Variants in APPL2 observed in about 807,000 individuals in gnomAD.
APPL2 encodes the protein DCC-interacting protein 13-beta.
APPL2 carries 84 observed loss-of-function variants against 92.7 expected under a neutral mutation model. That is an observed-to-expected ratio of 0.91 (90% CI 0.76 to 1.09). APPL2 has a LOEUF of 1.09. APPL2 is among the 50% of genes least tolerant of loss of function. The pLI, the probability that APPL2 is intolerant of heterozygous loss-of-function variation, is 0.00. For synonymous variants in APPL2, 291 were observed against 291.0 expected (o/e 1.00, Z 0.00); for missense variants, 736 against 824.5 (o/e 0.89, Z 1.31).
intron 2 of APPL2, among the ~76,000 whole-genome samples, chr12:105,227,927 T>C (rs1378685014): frequency 1.3e-5 from 2 of 152,206 alleles, no homozygotes. Flanking sequence ...ATCTCAACTC[T>C]TACAATCACC....
intron 1 of APPL2, 66 bp from the exon 2 acceptor site, chr12:105,229,289 G>C: frequency 1.6e-5 from 22 of 1,396,948 alleles, no homozygotes; most frequent in Non-Finnish European, 2.0e-5. Context: ...GGAGGAGGAA[G>C]ATCCACACAC....
At chr12:105,208,866 C>T (rs1240617061) in intron 5 of APPL2, among the ~76,000 whole-genome samples, 1 of 152,166 alleles carries the variant, frequency 6.6e-6, no homozygotes, top group Non-Finnish European at 1.5e-5. Flanking sequence ...ACGATTGATA[C>T]CTAAAAGAAA....
intron 5 of APPL2, among the ~76,000 whole-genome samples, chr12:105,209,703 G>C (rs980306558): frequency 6.6e-6 from 1 of 152,328 alleles, no homozygotes; most frequent in South Asian, 2.1e-4. Flanking sequence ...ACAATCATCA[G>C]CAGATGACTG....
At chr12:105,228,417 G>A (rs570905445) in intron 2 of APPL2, among the ~76,000 whole-genome samples, 10 of 152,154 alleles carry the variant, frequency 6.6e-5, no homozygotes, top group Non-Finnish European at 1.2e-4. Context: ...TTCCTTAAGA[G>A]ATTATTAATG....
chr12:105,188,206 G>A lies in APPL2; in HGVS notation c.1634+67C>T, dbSNP rs79951915. On this transcript the variant is annotated intron_variant, in intron 17 of 20. Transcript: ENST00000258530. ...ATTCCAGTACTAACATTTCAGATGGGTGCATTAGCCTTAAAAGGGGAATTA... is the reference window on the plus strand; with the variant it reads ...ATTCCAGTACTAACATTTCAGATGGATGCATTAGCCTTAAAAGGGGAATTA... The A allele has an allele frequency of 5.9e-6, 9 of 1,537,600 alleles. No homozygotes were observed. In the Admixed American group the frequency reaches 6.8e-5, roughly 12 times the overall value.
intron 17 of APPL2, among the ~76,000 whole-genome samples, chr12:105,185,747 A>G (rs1886546785): frequency 6.6e-6 from 1 of 151,778 alleles, no homozygotes; most frequent in Non-Finnish European, 1.5e-5. Flanking sequence ...TTTCTGTGTG[A>G]CCTCTAAATG....
chr12:105,197,832 A>T lies in APPL2; in HGVS notation c.985T>A (p.Ser329Thr). Reference protein sequence around the residue: ...GGLIQDLDNCSVMAVDCEDRR... With the variant: ...GGLIQDLDNCTVMAVDCEDRR... ...TCTTCGCAATCCACGGCCATCACTG[A>T]GCAGTTGTCCAGGTCCTGGATCAAA... is the stretch of plus-strand genomic sequence containing the variant. Residue 329 changes from serine (S) to threonine (T), a missense_variant, in exon 11 of 21, where the codon TCA becomes ACA. Physicochemically the swap from Ser to Thr is moderately conservative, Grantham distance 58. Coordinates refer to ENST00000258530, the MANE Select transcript of APPL2 (RefSeq NM_018171.5). 1 of 1,614,174 alleles carries T rather than the reference A, an allele frequency of 6.2e-7. No homozygotes were observed. Among genetic ancestry groups the T allele is most frequent in the Non-Finnish European group, 8.5e-7 (1 of 1,180,040 alleles).
chr12:105,216,108 T>C (rs1889668011), intron 4 of APPL2, among the ~76,000 whole-genome samples: 1 of 152,220 alleles, frequency 6.6e-6, no homozygotes, highest in African/African-American at 2.4e-5. Flanking sequence ...ATCTGAGCTC[T>C]TATGTTTTTT....
At chr12:105,179,726 C>G (rs1011070235) in intron 17 of APPL2, among the ~76,000 whole-genome samples, 1 of 152,160 alleles carries the variant, frequency 6.6e-6, no homozygotes, top group African/African-American at 2.4e-5. Flanking sequence ...ATTTCTCTAA[C>G]GACCAGTGAT....
At chr12:105,182,231 G>A (rs1566050892) in intron 17 of APPL2, among the ~76,000 whole-genome samples, 2 of 152,198 alleles carry the variant, frequency 1.3e-5, no homozygotes, top group South Asian at 4.1e-4. Flanking sequence ...GTTTCATCAT[G>A]TTGGCCAGGC....
At chr12:105,187,963 A>G (rs565809422) in intron 17 of APPL2, among the ~76,000 whole-genome samples, 50 of 151,974 alleles carry the variant, frequency 3.3e-4, no homozygotes, top group Non-Finnish European at 5.9e-4. Context: ...TAGTACTCTC[A>G]GAAATGAAAA....
chr12:105,235,579 G>A (rs1455929495), intron 1 of APPL2, among the ~76,000 whole-genome samples: 2 of 152,190 alleles, frequency 1.3e-5, no homozygotes, highest in Non-Finnish European at 2.9e-5. Flanking sequence ...ACCCTATGAA[G>A]CAGGCACAAT....
Position 105,208,145 on chromosome 12 carries a change from A to T in APPL2, c.415+13T>A. The T allele has an allele frequency of 6.2e-7, 1 of 1,614,188 alleles. No homozygotes were observed. The highest frequency in any genetic ancestry group is 1.1e-5 in the South Asian group (1 of 91,086). ...CCACACACCCACACACCAGGAATGG[A>T]GAAGGTGCCTACCATTGCTAGCGAG... On this transcript the variant is annotated intron_variant, in intron 6 of 20. Transcript: ENST00000258530.
chr12:105,203,893 C>T (rs909359289), intron 8 of APPL2, 108 bp from the exon 9 acceptor site: 14 of 894,410 alleles, frequency 1.6e-5, no homozygotes, highest in Non-Finnish European at 2.0e-5. Flanking sequence ...CTGGCTGGCC[C>T]GCCTCGCACG....
chr12:105,200,822 C>T (rs1210025060), intron 9 of APPL2, among the ~76,000 whole-genome samples: 27 of 150,596 alleles, frequency 1.8e-4, no homozygotes, highest in Admixed American at 1.8e-3. Context: ...CATATTCCCC[C>T]ACTCTCTACG....
chr12:105,193,327 A>AGAGC (rs1887384543), intron 14 of APPL2, among the ~76,000 whole-genome samples: 1 of 152,192 alleles, frequency 6.6e-6, no homozygotes, highest in South Asian at 2.1e-4. Context: ...GGCATATCAG[A>AGAGC]GCTAGAAGGG....
At chr12:105,221,480 C>T (rs554777767) in intron 2 of APPL2, among the ~76,000 whole-genome samples, 3 of 152,336 alleles carry the variant, frequency 2.0e-5, no homozygotes, top group Admixed American at 6.5e-5. Flanking sequence ...GACTCGAAAT[C>T]AAAAGCTCAT....
chr12:105,190,041 G>A lies in APPL2; in HGVS notation c.1356C>T (p.Phe452=), dbSNP rs369034385. The change falls in exon 15 of 21, where the codon TTC becomes TTT. Residue 452 remains phenylalanine, a synonymous_variant. Transcript: ENST00000258530. The part of the protein sequence containing the change: ...ELIAPGTPIQ[F]DIVLPATEFL... ...ATTCTGTAGCAGGAAGCACAATATC[G>A]AATTGAATCGGCGTTCCAGGCGCGA... is the stretch of plus-strand genomic sequence containing the variant. The A allele has an allele frequency of 3.0e-5, 49 of 1,614,172 alleles. No homozygotes were observed. Among genetic ancestry groups the A allele is most frequent in the Middle Eastern group, 1.6e-4 (1 of 6,062 alleles).
chr12:105,229,298 A>G lies in APPL2; in HGVS notation c.55-75T>C, dbSNP rs190481268. 9.9e-6 allele frequency: 13 copies of G among 1,315,650 alleles called. No individual in the cohort carries two copies. The African/African-American group carries it at 1.6e-4, about 16-fold the overall frequency. The allele number at this position is 1,315,650 out of a possible 1,614,324, so 81.5% of individuals were successfully genotyped here. On this transcript the variant is annotated intron_variant, in intron 1 of 20. Transcript: ENST00000258530. ...TACAGAGGAGGAGGAAGATCCACAC[A>G]CCCGCACATGCAGAAACCAGAATGC...
Sources: allele counts gnomAD v4.1 joint callset (sites outside exome capture counted in the v4.1 genomes callset), GRCh38; gene constraint gnomAD v4.1.1; transcripts MANE v1.5; gene names NCBI Gene and HGNC (gene_info 2026-07-23, HGNC 2026-07-21).